Variants in FRAS1 observed in about 807,000 individuals in gnomAD.
FRAS1 encodes Fraser extracellular matrix complex subunit 1.
FRAS1 carries 290 observed loss-of-function variants against 435.2 expected under a neutral mutation model. The observed-to-expected ratio is 0.67, with a 90% CI of 0.61 to 0.73. The LOEUF (loss-of-function observed/expected upper bound fraction) is 0.73. Ranked by LOEUF, FRAS1 falls within the 30% of genes least tolerant of loss-of-function variation. The pLI is 0.00. For missense variants in FRAS1, 4,860 were observed against 5,001.5 expected, an observed-to-expected ratio of 0.97 and a Z score of 0.85; for synonymous variants, 1,800 against 1,851.0, an observed-to-expected ratio of 0.97 and a Z score of 0.71.
At chr4:78,458,608 A>G (rs909251655) in intron 47 of FRAS1, among the ~76,000 whole-genome samples, 1 of 152,164 alleles carries the variant, frequency 6.6e-6, no homozygotes, top group Non-Finnish European at 1.5e-5. Flanking sequence ...TGTGTTCACT[A>G]TGTGGGTGAC....
intron 20 of FRAS1, among the ~76,000 whole-genome samples, chr4:78,344,935 T>C (rs931096768): frequency 6.6e-6 from 1 of 152,210 alleles, no homozygotes; most frequent in Admixed American, 6.5e-5. Flanking sequence ...TATTTCTTTG[T>C]TCTGTTCTCT....
chr4:78,328,164 T>C (rs1409518287), intron 18 of FRAS1, among the ~76,000 whole-genome samples: 1 of 152,232 alleles, frequency 6.6e-6, no homozygotes, highest in Non-Finnish European at 1.5e-5. Context: ...TTTACTTTCC[T>C]GTTGTATATA....
At chr4:78,212,252 G>A (rs1723545770) in intron 2 of FRAS1, among the ~76,000 whole-genome samples, 1 of 152,142 alleles carries the variant, frequency 6.6e-6, no homozygotes. Context: ...CATCTAAAAT[G>A]TTACCTTCTC....
intron 18 of FRAS1, among the ~76,000 whole-genome samples, chr4:78,321,141 C>A (rs891055853): frequency 1.3e-5 from 2 of 152,072 alleles, no homozygotes; most frequent in Non-Finnish European, 2.9e-5. Flanking sequence ...ATAATATGAC[C>A]ATTTATTTGA....
intron 2 of FRAS1, among the ~76,000 whole-genome samples, chr4:78,128,571 CA>C (rs919303298): frequency 2.0e-5 from 3 of 152,168 alleles, no homozygotes; most frequent in Non-Finnish European, 4.4e-5. Context: ...AGTGTCTGTT[CA>C]TATCCTTCAC....
intron 20 of FRAS1, among the ~76,000 whole-genome samples, chr4:78,354,841 T>C (rs1329677479): frequency 6.6e-6 from 1 of 152,220 alleles, no homozygotes; most frequent in Non-Finnish European, 1.5e-5. Flanking sequence ...AGTACACATT[T>C]ACTTTAATAT....
chr4:78,391,167 G>A (rs940857751), intron 29 of FRAS1, among the ~76,000 whole-genome samples: 2 of 152,168 alleles, frequency 1.3e-5, no homozygotes, highest in Non-Finnish European at 1.5e-5. Context: ...GCCCACCTGG[G>A]AATGGGTAGA....
intron 35 of FRAS1, among the ~76,000 whole-genome samples, chr4:78,425,133 T>C (rs2110378953): frequency 6.7e-6 from 1 of 148,568 alleles, no homozygotes; most frequent in African/African-American, 2.5e-5. Flanking sequence ...TAATAATAAA[T>C]ATAAAGCTCC....
At chr4:78,496,730 A>G in intron 59 of FRAS1, 75 bp from the exon 60 acceptor site, 1 of 1,329,306 alleles carries the variant, frequency 7.5e-7, no homozygotes, top group Non-Finnish European at 1.1e-6. Context: ...GAAGAAAGAT[A>G]GTTTTCTAGG....
chr4:78,407,688 GC>G lies in FRAS1; in HGVS notation c.4157del (p.Pro1386LeufsTer89). The G allele has an allele frequency of 2.5e-6, 4 of 1,613,158 alleles. No homozygotes were observed. Among genetic ancestry groups the G allele is most frequent in the Non-Finnish European group, 3.4e-6 (4 of 1,179,494 alleles). ...FGEVVLLVNM[P>X]ADSPADEGQH... The stretch of plus-strand genomic sequence containing the variant: ...GGGAGGTGGTCCTTCTAGTGAATAT[GC>G]CTGCAGACAGCCCTGCAGATGAAGG... On this transcript the variant is annotated frameshift_variant, in exon 31 of 74. Transcript: ENST00000512123. LOFTEE classifies it high-confidence loss of function.
chr4:78,092,629 G>C lies in FRAS1; in HGVS notation c.108+26613G>C, dbSNP rs142135695. Among the ~76,000 whole-genome samples, 313 of 152,274 alleles carry C rather than the reference G, an allele frequency of 2.1e-3. 2 individuals carry two copies. Among genetic ancestry groups the C allele is most frequent in the Non-Finnish European group, 1.1e-3 (72 of 68,026 alleles). On this transcript the variant is annotated intron_variant, in intron 2 of 73. Transcript: ENST00000512123. ...TTATGGGAGCTACAAGATGAGATTT[G>C]GGTGTGGACACAGAGCCAAACCATA...
At chr4:78,377,866 G>A (rs986551754) in intron 26 of FRAS1, among the ~76,000 whole-genome samples, 4 of 152,116 alleles carry the variant, frequency 2.6e-5, no homozygotes, top group Admixed American at 6.5e-5. Context: ...TGGCAGTGGA[G>A]CCCAACTGTC....
intron 59 of FRAS1, among the ~76,000 whole-genome samples, chr4:78,493,035 C>T (rs1318991849): frequency 2.6e-5 from 4 of 152,122 alleles, no homozygotes; most frequent in African/African-American, 9.7e-5. Context: ...TTTATGCAGC[C>T]AACAAACAAA....
intron 2 of FRAS1, among the ~76,000 whole-genome samples, chr4:78,177,956 A>G (rs573563965): frequency 1.4e-4 from 21 of 152,216 alleles, no homozygotes; most frequent in African/African-American, 4.8e-4. Context: ...GGGTGACTTA[A>G]AAAAATTAGA....
chr4:78,267,138 G>T, intron 8 of FRAS1, 103 bp from the exon 9 acceptor site: 2 of 1,201,726 alleles, frequency 1.7e-6, no homozygotes, highest in Non-Finnish European at 1.2e-6. Flanking sequence ...GCCAGAGAAA[G>T]AGCCATGTAG....
At chr4:78,185,366 A>C (rs1400097057) in intron 2 of FRAS1, among the ~76,000 whole-genome samples, 2 of 152,210 alleles carry the variant, frequency 1.3e-5, no homozygotes, top group East Asian at 1.9e-4. Flanking sequence ...GTCTTGCAGA[A>C]TTTAGATGGA....
At chr4:78,456,138 CTTTTTT>C (rs753676442) in intron 47 of FRAS1, among the ~76,000 whole-genome samples, 1 of 51,486 alleles carries the variant, frequency 1.9e-5, no homozygotes, top group African/African-American at 8.2e-5. Flanking sequence ...ACACATGTCA[CTTTTTT>C]TTTTTTTTTT....
At chr4:78,470,665 T>A (rs1719674153) in intron 51 of FRAS1, among the ~76,000 whole-genome samples, 1 of 152,196 alleles carries the variant, frequency 6.6e-6, no homozygotes, top group South Asian at 2.1e-4. Flanking sequence ...TTATAAGTAA[T>A]CTTGACTTAA....
intron 60 of FRAS1, among the ~76,000 whole-genome samples, 178 bp downstream of exon 60, chr4:78,497,139 A>C (rs75156150): frequency 0.011 from 1,740 of 152,286 alleles, 29 homozygotes; most frequent in African/African-American, 0.04. Context: ...GATCCAAAAA[A>C]TTCATAGGTA....
Sources: gnomAD v4.1 joint callset for allele counts (sites outside exome capture counted in the v4.1 genomes callset) on GRCh38, gnomAD v4.1.1 for gene constraint, MANE v1.5 for transcripts, NCBI Gene and HGNC (gene_info 2026-07-23, HGNC 2026-07-21) for gene names.